Variants in OGA observed in about 807,000 individuals in gnomAD.
OGA encodes the protein protein O-GlcNAcase.
A neutral mutation model predicts 102.0 loss-of-function variants in OGA; 21 were observed. The ratio of observed to expected loss-of-function variants is 0.21; its 90% CI spans 0.15 to 0.30. The LOEUF is 0.30. Among genes scored for constraint, OGA ranks in the 10% least tolerant of loss-of-function variants. The pLI, the probability that OGA is intolerant of heterozygous loss-of-function variation, is 1.00. For synonymous variants in OGA, 408 were observed against 378.2 expected, an observed-to-expected ratio of 1.08 and a Z score of -0.91; for missense variants, 765 against 1,107.8, an observed-to-expected ratio of 0.69 and a Z score of 4.39.
chr10:101,793,892 G>A, intron 11 of OGA, 21 bp downstream of exon 11: 1 of 1,529,446 alleles, frequency 6.5e-7, no homozygotes, highest in African/African-American at 1.4e-5. Flanking sequence ...TGTCAATTCA[G>A]TTGTGAATTC....
At position 101,792,293 on chromosome 10, in the gene OGA, C is replaced by T. The variant is rs544249281; in HGVS notation, c.2175+546G>A. 2.8e-4 allele frequency among the ~76,000 whole-genome samples: 42 copies of T among 152,344 alleles called. No homozygotes were observed. In the South Asian group the frequency reaches 6.4e-3, roughly 23 times the overall value. On this transcript the variant is annotated intron_variant, in intron 12 of 15. Coordinates refer to ENST00000361464, the MANE Select transcript of OGA (RefSeq NM_012215.5). ...AAAGTGCTGGGATTACAGGCATGAG[C>T]CACCAAGCCCGGCCTATTTGTATTT...
intron 1 of OGA, among the ~76,000 whole-genome samples, chr10:101,817,610 C>T (rs2065653324): frequency 6.6e-6 from 1 of 152,248 alleles, no homozygotes; most frequent in South Asian, 2.1e-4. Context: ...CGGGTGGGGT[C>T]AGACTTGTGA....
At chr10:101,794,218 T>G in intron 10 of OGA, 1 of 303,038 alleles carries the variant, frequency 3.3e-6, no homozygotes. Flanking sequence ...GTATTATCAG[T>G]TCTACTCTTT....
intron 14 of OGA, among the ~76,000 whole-genome samples, chr10:101,788,118 G>A (rs1297222646): frequency 4.2e-5 from 6 of 143,066 alleles, no homozygotes; most frequent in East Asian, 2.1e-4. Context: ...GCAACAGAGC[G>A]AGACTCTGTC....
intron 1 of OGA, 24 bp from the exon 2 acceptor site, chr10:101,813,630 T>C: frequency 7.0e-7 from 1 of 1,419,186 alleles, no homozygotes; most frequent in Non-Finnish European, 9.8e-7. Flanking sequence ...AAGAATGAAA[T>C]TATATTCAGT....
chr10:101,811,406 G>GAAAAAAAA (rs67433227), intron 3 of OGA, among the ~76,000 whole-genome samples: 164 of 45,696 alleles, frequency 3.6e-3, no homozygotes, highest in Non-Finnish European at 4.8e-3. Context: ...GAAAAAAAAT[G>GAAAAAAAA]AAAAAAAAAA....
In OGA at chr10:101,799,246, C is replaced by A. The variant is rs1472159617; in HGVS notation, c.1405G>T (p.Val469Leu). 4 of 1,614,188 alleles carry A rather than the reference C, an allele frequency of 2.5e-6. No individual in the cohort carries two copies. In the Admixed American group the frequency reaches 6.7e-5, roughly 27 times the overall value. ...QPDEEPMDMV[V>L]EKQEETDHKN... is the part of the protein sequence containing the mutation. ...TGGTCCGTTTCTTCTTGTTTTTCCA[C>A]CACCATGTCCATGGGTTCTTCATCA... Residue 469 changes from valine to leucine, a missense_variant, in exon 9 of 16, where the codon GTG (valine) becomes TTG (leucine). By Grantham distance (32) the Val-to-Leu change is conservative. Around this residue, in one of 7 missense-constraint regions of OGA, gnomAD observed 281 missense variants for 345.8 expected, o/e 0.81. Transcript: ENST00000361464.
At chr10:101,800,463 GAGA>G (rs2065374799) in intron 7 of OGA, 63 bp from the exon 8 acceptor site, 2 of 1,326,412 alleles carry the variant, frequency 1.5e-6, no homozygotes, top group Admixed American at 1.9e-5. Flanking sequence ...TCTGACAAGT[GAGA>G]AGAATAAATG....
In OGA at chr10:101,817,919, G is replaced by A. The variant is rs545488878; in HGVS notation, c.104C>T (p.Pro35Leu). ...GGCGGGGTTGTCTTCTCCGGGTGCC[G>A]GAGCTGCCGGCGGCTCCAGCGATGC... ...AGASLEPPAA[P>L]APGEDNPAGA... The change falls in exon 1 of 16, where the codon CCG becomes CTG. Residue 35 changes from proline (P) to leucine (L), a missense_variant. Physicochemically the swap from Pro to Leu is moderately conservative, Grantham distance 98. Coordinates refer to ENST00000361464, the MANE Select transcript of OGA (RefSeq NM_012215.5). 4 of 1,579,194 alleles carry A rather than the reference G, an allele frequency of 2.5e-6. No homozygotes were observed. The South Asian group carries it at 3.4e-5, about 14-fold the overall frequency.
intron 15 of OGA, 95 bp downstream of exon 15, chr10:101,787,267 TAA>T: frequency 7.9e-7 from 1 of 1,264,576 alleles, no homozygotes; most frequent in Non-Finnish European, 1.1e-6. Context: ...AAAAGCAGTA[TAA>T]ATTTACAATT....
chr10:101,804,193 A>G (rs2065435993), intron 6 of OGA, among the ~76,000 whole-genome samples, 174 bp from the exon 7 acceptor site: 1 of 151,934 alleles, frequency 6.6e-6, no homozygotes, highest in African/African-American at 2.4e-5. Flanking sequence ...TTTAAATTAA[A>G]AAATATATTT....
At chr10:101,813,846 TTA>T (rs1202537494) in intron 1 of OGA, among the ~76,000 whole-genome samples, 1 of 152,224 alleles carries the variant, frequency 6.6e-6, no homozygotes, top group African/African-American at 2.4e-5. Context: ...TACCATGACA[TTA>T]GTTACTTAGG....
In OGA at chr10:101,810,207, T is replaced by A. The variant is rs577921674; in HGVS notation, c.457A>T (p.Thr153Ser). The A allele has an allele frequency of 5.0e-6, 8 of 1,611,694 alleles. No homozygotes were observed. The East Asian group carries it at 1.8e-4, about 36-fold the overall frequency. The change falls in exon 4 of 16, where the codon ACA becomes TCA. Residue 153 changes from threonine to serine, a missense_variant. Physicochemically the swap from Thr to Ser is moderately conservative, Grantham distance 58. Coordinates refer to ENST00000361464, the MANE Select transcript of OGA (RefSeq NM_012215.5). ...ITFSNPKEVS[T>S]LKRKLDQVSQ... is the part of the protein sequence containing the mutation. ...ACCTGGTCCAATTTACGTTTCAATGTGGATACTTCCTTGGGGTTAGAAAAA... is the reference window on the plus strand; with the variant it reads ...ACCTGGTCCAATTTACGTTTCAATGAGGATACTTCCTTGGGGTTAGAAAAA...
At chr10:101,802,358 AC>A (rs1366656304) in intron 7 of OGA, among the ~76,000 whole-genome samples, 4 of 152,086 alleles carry the variant, frequency 2.6e-5, no homozygotes, top group Non-Finnish European at 5.9e-5. Context: ...TATAAGCCTT[AC>A]CCAACACTAG....
rs1192404718 is a variant in OGA at position 101,798,132 on chromosome 10, G to A, written c.1832C>T (p.Ala611Val). The change falls in exon 10 of 16, where the codon GCA (alanine) becomes GTA (valine). Residue 611 changes from alanine (A) to valine (V), a missense_variant. By Grantham distance (64) the Ala-to-Val change is moderately conservative. This residue lies in a region of OGA where 281 missense variants were observed against 345.8 expected (regional missense o/e 0.81). Transcript: ENST00000361464. ...TCCACACATCTCTTCAAACTTGGCTGCTCGTGACCGCCATTCTTCAATCTA... is the reference window on the plus strand; with the variant it reads ...TCCACACATCTCTTCAAACTTGGCTACTCGTGACCGCCATTCTTCAATCTA... The part of the protein sequence containing the change: ...SEKIEEWRSR[A>V]AKFEEMCGLV... 2.5e-6 allele frequency: 4 copies of A among 1,613,980 alleles called. No homozygotes were observed. Among genetic ancestry groups the A allele is most frequent in the African/African-American group, 1.3e-5 (1 of 75,004 alleles).
At chr10:101,790,276 T>TG (rs1330801285) in intron 14 of OGA, among the ~76,000 whole-genome samples, 29 of 143,498 alleles carry the variant, frequency 2.0e-4, no homozygotes, top group African/African-American at 7.3e-4. Context: ...TTTTTTTTTT[T>TG]TTTTTTTTTT....
At chr10:101,795,428 T>A (rs538919357) in intron 10 of OGA, among the ~76,000 whole-genome samples, 1 of 152,202 alleles carries the variant, frequency 6.6e-6, no homozygotes, top group South Asian at 2.1e-4. Flanking sequence ...GCTGTGAACA[T>A]CTGCCGCTGT....
At chr10:101,800,011 G>A (rs1431610932) in intron 8 of OGA, among the ~76,000 whole-genome samples, 3 of 152,046 alleles carry the variant, frequency 2.0e-5, no homozygotes, top group African/African-American at 7.2e-5. Flanking sequence ...TAGGTGGGAC[G>A]ACAGGCGCAT....
Position 101,789,156 on chromosome 10 carries a change from T to C in OGA, c.2455-1633A>G, listed in dbSNP as rs934850211. On this transcript the variant is annotated intron_variant, in intron 14 of 15. Transcript: ENST00000361464. Reference sequence around the variant, plus strand: ...AGGCAACACCAAACCAGCCTCTTGTTACACAGCCATGTGACTAAGGGCAGA... The same window carrying C: ...AGGCAACACCAAACCAGCCTCTTGTCACACAGCCATGTGACTAAGGGCAGA... 3.9e-5 allele frequency among the ~76,000 whole-genome samples: 6 copies of C among 152,204 alleles called. 1 individual carries two copies. Among genetic ancestry groups the C allele is most frequent in the African/African-American group, 1.4e-4 (6 of 41,450 alleles).
Sources: allele counts gnomAD v4.1 joint callset (sites outside exome capture counted in the v4.1 genomes callset), GRCh38; gene constraint gnomAD v4.1.1; regional missense constraint gnomAD v4.1.1; transcripts MANE v1.5; gene names NCBI Gene and HGNC (gene_info 2026-07-23, HGNC 2026-07-21).